Variants in PLEC observed in about 807,000 individuals in gnomAD.
PLEC encodes plectin, also known as hemidesmosomal protein 1.
PLEC carries 216 observed loss-of-function variants against 392.8 expected under a neutral mutation model. The ratio of observed to expected loss-of-function variants is 0.55; its 90% CI spans 0.49 to 0.62. The LOEUF is 0.62. Ranked by LOEUF, PLEC falls within the 20% of genes least tolerant of loss-of-function variation. The pLI, the probability that PLEC is intolerant of heterozygous loss-of-function variation, is 0.00. For synonymous variants in PLEC, 3,621 were observed against 2,980.6 expected (o/e 1.21, Z -7.00); for missense variants, 6,863 against 6,563.4 (o/e 1.05, Z -1.58).
At position 143,919,940 on chromosome 8, in the gene PLEC, T is replaced by C; in HGVS notation, c.9881A>G (p.Glu3294Gly). Residue 3294 changes from glutamate (E) to glycine (G), a missense_variant, in exon 32 of 32, where the codon GAG becomes GGG. Coordinates refer to ENST00000345136, the MANE Select transcript of PLEC (RefSeq NM_201384.3). ...CCTCTCCTGCCGCAGGGTCTCCACC[T>C]CCTCCACGATGGTAATGAGAATCTT... is the stretch of plus-strand genomic sequence containing the variant. ...VIKILITIVE[E>G]VETLRQERLS... The C allele has an allele frequency of 1.2e-6, 2 of 1,613,354 alleles. No homozygotes were observed. Among genetic ancestry groups the C allele is most frequent in the Non-Finnish European group, 1.7e-6 (2 of 1,180,030 alleles).
upstream of PLEC, chr8:143,975,168 C>G (rs1285957665): frequency 4.4e-6 from 7 of 1,597,646 alleles, no homozygotes; most frequent in Non-Finnish European, 5.9e-6. The surrounding 1 kb of genome is among the most constrained non-coding windows in gnomAD (Gnocchi z 9.9). Flanking sequence ...CAAGGCCCTG[C>G]GCAGTTACCT....
At position 143,919,095 on chromosome 8, in the gene PLEC, C is replaced by T. The variant is rs781940520; in HGVS notation, c.10726G>A (p.Gly3576Ser). 69 of 1,612,150 alleles carry T rather than the reference C, an allele frequency of 4.3e-5. No homozygotes were observed. In the East Asian group the frequency reaches 8.5e-4, roughly 20 times the overall value. ...GTGGAGCCGCCGTGGCTGCCGCCGC[C>T]GGGAATGTCGATCTGTGTCTCTTCA... ...AFEETQIDIP[G>S]GGSHGGSTMS... Residue 3576 changes from glycine to serine, a missense_variant, in exon 32 of 32, where the codon GGC (glycine) becomes AGC (serine). Physicochemically the swap from Gly to Ser is moderately conservative, Grantham distance 56. Transcript: ENST00000345136.
chr8:143,920,814 C>A lies in PLEC; in HGVS notation c.9007G>T (p.Gly3003Cys), dbSNP rs781893712. The A allele has an allele frequency of 1.1e-5, 18 of 1,608,164 alleles. No individual in the cohort carries two copies. The highest frequency in any genetic ancestry group is 1.4e-5 in the Non-Finnish European group (16 of 1,179,940). Residue 3003 changes from glycine (G) to cysteine (C), a missense_variant, in exon 32 of 32, where the codon GGT (glycine) becomes TGT (cysteine). Gly to Cys is a radical substitution (Grantham distance 159). Coordinates refer to ENST00000345136, the MANE Select transcript of PLEC (RefSeq NM_201384.3). ...DRELYQQLQR[G>C]ERSVRDVAEV... ...GCTACGTCTCGCACAGAGCGCTCAC[C>A]TCGCTGCAGCTGCTGGTAGAGCTCG... is the stretch of plus-strand genomic sequence containing the variant.
rs1216335768 is a variant in PLEC, at chr8:143,924,688, C to T, written c.5241G>A (p.Thr1747=). Residue 1747 remains threonine, a synonymous_variant, in exon 31 of 32, where the codon ACG becomes ACA. Transcript: ENST00000345136. ...ARLQREAAAA[T]QKRQELEAEL... Reference sequence around the variant, plus strand: ...CGGCTTCCAGCTCCTGCCGTTTCTGCGTGGCTGCAGCCGCCTCACGCTGCA... The same window carrying T: ...CGGCTTCCAGCTCCTGCCGTTTCTGTGTGGCTGCAGCCGCCTCACGCTGCA... The T allele has an allele frequency of 7.8e-6, 12 of 1,534,598 alleles. No homozygotes were observed. The highest frequency in any genetic ancestry group is 2.7e-5 in the African/African-American group (2 of 72,940).
chr8:143,934,329 G>A lies in PLEC; in HGVS notation c.1158C>T (p.Ser386=), dbSNP rs201667254. The part of the protein sequence containing the change: ...AILEREKQLR[S]EFERLECLQR... ...AGGGCCCCACCCACCTCTCAAACTC[G>A]CTGCGGAGCTGCTTCTCCCGCTCCA... The change falls in exon 11 of 32, where the codon AGC becomes AGT. Residue 386 remains serine, a synonymous_variant. Coordinates refer to ENST00000345136, the MANE Select transcript of PLEC (RefSeq NM_201384.3). 2.5e-6 allele frequency: 4 copies of A among 1,612,180 alleles called. No individual in the cohort carries two copies. The highest frequency in any genetic ancestry group is 1.7e-5 in the Admixed American group (1 of 60,022).
intron 1 of PLEC, among the ~76,000 whole-genome samples, chr8:143,964,482 G>A (rs782374053): frequency 3.3e-5 from 5 of 152,274 alleles, no homozygotes; most frequent in South Asian, 2.1e-4. Context: ...ATGCGGCCAC[G>A]AGCCCAGGCA....
chr8:143,930,519 C>T lies in PLEC; in HGVS notation c.2322G>A (p.Leu774=), dbSNP rs1554714118. The change falls in exon 20 of 32, where the codon CTG becomes CTA. Residue 774 remains leucine (L), a synonymous_variant. Coordinates refer to ENST00000345136, the MANE Select transcript of PLEC (RefSeq NM_201384.3). Reference sequence around the variant, plus strand: ...CTGAGAGGTGGCCCTTGTACTCGTTCAGCTGTTCCTTCTCGTCCTGTGGGG... The same window carrying T: ...CTGAGAGGTGGCCCTTGTACTCGTTTAGCTGTTCCTTCTCGTCCTGTGGGG... ...LQDAQDEKEQ[L]NEYKGHLSGL... is the part of the protein sequence containing the mutation. 2 of 1,595,890 alleles carry T rather than the reference C, an allele frequency of 1.3e-6. No individual in the cohort carries two copies. The highest frequency in any genetic ancestry group is 2.3e-5 in the East Asian group (1 of 43,782).
In PLEC at chr8:143,924,235, C is replaced by G; in HGVS notation, c.5694G>C (p.Leu1898=). ...KADIEERLAQ[L]RKASDSELER... ...CCAGCTCGCTGTCCGATGCCTTGCGCAGCTGGGCCAGGCGCTCCTCGATGT... is the reference window on the plus strand; with the variant it reads ...CCAGCTCGCTGTCCGATGCCTTGCGGAGCTGGGCCAGGCGCTCCTCGATGT... The change falls in exon 31 of 32, where the codon CTG becomes CTC. Residue 1898 remains leucine, a synonymous_variant. Coordinates refer to ENST00000345136, the MANE Select transcript of PLEC (RefSeq NM_201384.3). 1.3e-6 allele frequency: 2 copies of G among 1,598,640 alleles called. No homozygotes were observed. The highest frequency in any genetic ancestry group is 1.3e-5 in the African/African-American group (1 of 75,026).
rs782818198 is a variant in PLEC at position 143,932,557 on chromosome 8, G to A, written c.1820C>T (p.Ser607Phe). Residue 607 changes from serine to phenylalanine, a missense_variant, in exon 16 of 32, where the codon TCC (serine) becomes TTC (phenylalanine). Physicochemically the swap from Ser to Phe is radical, Grantham distance 155. Coordinates refer to ENST00000345136, the MANE Select transcript of PLEC (RefSeq NM_201384.3). ...CAGGGACCTGAGGCGGGCCTTGGAGGAGTTCTGTGGGCAGGAGGGTGCGTG... is the reference window on the plus strand; with the variant it reads ...CAGGGACCTGAGGCGGGCCTTGGAGAAGTTCTGTGGGCAGGAGGGTGCGTG... ...LDLQYAKLLNSSKARLRSLES... is the reference protein window; with the variant it reads ...LDLQYAKLLNFSKARLRSLES... 15 of 1,612,410 alleles carry A rather than the reference G, an allele frequency of 9.3e-6. No individual in the cohort carries two copies. The highest frequency in any genetic ancestry group is 3.3e-5 in the Admixed American group (2 of 60,006).
At chr8:143,952,220 A>ACACACACACACGCG (rs782520190), upstream of PLEC, among the ~76,000 whole-genome samples, 36 of 139,886 alleles carry the variant, frequency 2.6e-4, no homozygotes, top group South Asian at 2.4e-3. Context: ...GCGCGCACAC[A>ACACACACACACGCG]CGCACGCGCA....
intron 1 of PLEC, among the ~76,000 whole-genome samples, chr8:143,964,696 G>A (rs1278530230): frequency 6.6e-6 from 1 of 152,124 alleles, no homozygotes; most frequent in Non-Finnish European, 1.5e-5. Context: ...ATTCTCTGGG[G>A]GTATCTGTAT....
At chr8:143,930,096 C>G in intron 21 of PLEC, 34 bp from the exon 22 acceptor site, 18 of 1,602,520 alleles carry the variant, frequency 1.1e-5, no homozygotes, top group Non-Finnish European at 1.4e-5. Context: ...GCGTCACCAG[C>G]GCCCCACCCG....
At chr8:143,950,291 A>C in exon 1 of PLEC, 1 of 1,570,648 alleles carries the variant, frequency 6.4e-7, no homozygotes, top group Non-Finnish European at 8.6e-7. Context: ...CCGACGGTAG[A>C]CCCGCTGCTC....
At position 143,922,009 on chromosome 8, in the gene PLEC, C is replaced by T. The variant is rs782220674; in HGVS notation, c.7812G>A (p.Gln2604=). 11 of 1,597,948 alleles carry T rather than the reference C, an allele frequency of 6.9e-6. No homozygotes were observed. The South Asian group carries it at 9.9e-5, about 14-fold the overall frequency. The part of the protein sequence containing the change: ...LREQLQLLEE[Q]HRAALAHSEE... ...CTGAGTGCGCCAGCGCGGCCCGGTG[C>T]TGCTCCTCCAGGAGCTGCAGCTGCT... is the stretch of plus-strand genomic sequence containing the variant. The change falls in exon 32 of 32, where the codon CAG becomes CAA. Residue 2604 remains glutamine (Q), a synonymous_variant. Coordinates refer to ENST00000345136, the MANE Select transcript of PLEC (RefSeq NM_201384.3).
In PLEC at chr8:143,918,673, A is replaced by G. The variant is rs1554675923; in HGVS notation, c.11148T>C (p.Ser3716=). Residue 3716 remains serine (S), a synonymous_variant, in exon 32 of 32, where the codon AGT becomes AGC. Coordinates refer to ENST00000345136, the MANE Select transcript of PLEC (RefSeq NM_201384.3). ...CCAGCAGCAGGCGGGCCACCTCGGC[A>G]CTCAGCAGCCCTTTCTTGAGAGCCT... The part of the protein sequence containing the change: ...IYQALKKGLL[S]AEVARLLLEA... 1 of 1,612,850 alleles carries G rather than the reference A, an allele frequency of 6.2e-7. No individual in the cohort carries two copies. Among genetic ancestry groups the G allele is most frequent in the South Asian group, 1.1e-5 (1 of 91,080 alleles).
chr8:143,921,983 T>C lies in PLEC; in HGVS notation c.7838A>G (p.Glu2613Gly), dbSNP rs782396116. ...EQHRAALAHS[E>G]EVTASQVAAT... Reference sequence around the variant, plus strand: ...AGCCACCTGCGAGGCAGTGACCTCCTCTGAGTGCGCCAGCGCGGCCCGGTG... The same window carrying C: ...AGCCACCTGCGAGGCAGTGACCTCCCCTGAGTGCGCCAGCGCGGCCCGGTG... Residue 2613 changes from glutamate to glycine, a missense_variant, in exon 32 of 32, where the codon GAG becomes GGG. Physicochemically the swap from Glu to Gly is moderately conservative, Grantham distance 98. Transcript: ENST00000345136. 33 of 1,598,702 alleles carry C rather than the reference T, an allele frequency of 2.1e-5. No homozygotes were observed. The highest frequency in any genetic ancestry group is 2.7e-5 in the Non-Finnish European group (32 of 1,179,754).
intron 1 of PLEC, among the ~76,000 whole-genome samples, chr8:143,948,760 G>A (rs1024296962): frequency 3.3e-5 from 5 of 152,192 alleles, no homozygotes; most frequent in Admixed American, 1.3e-4. Context: ...CCCAGCCACG[G>A]ACAAGGAAGG....
rs536284705 is a variant in PLEC, at chr8:143,932,400, C to G, written c.1977G>C (p.Ser659=). 1 of 1,612,760 alleles carries G rather than the reference C, an allele frequency of 6.2e-7. No homozygotes were observed. Among genetic ancestry groups the G allele is most frequent in the Non-Finnish European group, 8.5e-7 (1 of 1,179,956 alleles). Reference sequence around the variant, plus strand: ...TCAGGGCAGCTGGGCCACCGCTCACCGAGTAGCTCTCCTTCTTGGCGGTCA... The same window carrying G: ...TCAGGGCAGCTGGGCCACCGCTCACGGAGTAGCTCTCCTTCTTGGCGGTCA... ...TNMTAKKESY[S]ALMRELELKE... The change falls in exon 16 of 32, where the codon TCG becomes TCC. Residue 659 remains serine (S), a splice_region_variant and synonymous_variant. Transcript: ENST00000345136.
intron 1 of PLEC, among the ~76,000 whole-genome samples, chr8:143,967,232 G>A (rs1833145978): frequency 6.6e-6 from 1 of 151,802 alleles, no homozygotes; most frequent in South Asian, 2.1e-4. Context: ...GCATGGTGGC[G>A]GGCGCCTGTA....
Sources: gnomAD v4.1 joint callset for allele counts (sites outside exome capture counted in the v4.1 genomes callset) on GRCh38, gnomAD v4.1.1 for gene constraint, Gnocchi (gnomAD v3.1) non-coding constraint, MANE v1.5 for transcripts, NCBI Gene and HGNC (gene_info 2026-07-23, HGNC 2026-07-21) for gene names.